LUZP2: variants seen among roughly 807,000 people sequenced by gnomAD.
The protein encoded by LUZP2 is leucine zipper protein 2.
Under a neutral mutation model 51.6 loss-of-function variants are expected in LUZP2, and 52 were observed. That is an observed-to-expected ratio of 1.01 (90% CI 0.81 to 1.27). The LOEUF (loss-of-function observed/expected upper bound fraction) is 1.27, where lower values mean the gene tolerates loss of function less well. Ranked by LOEUF, LUZP2 falls within the 50% of genes most tolerant of loss-of-function variation. The pLI is 0.00. For synonymous variants in LUZP2, 154 were observed against 137.3 expected, an observed-to-expected ratio of 1.12 and a Z score of -0.85; for missense variants, 436 against 395.4, an observed-to-expected ratio of 1.10 and a Z score of -0.87.
At chr11:24,571,135 C>T (rs1180173884) in intron 1 of LUZP2, among the ~76,000 whole-genome samples, 2 of 152,076 alleles carry the variant, frequency 1.3e-5, no homozygotes, top group Non-Finnish European at 2.9e-5. Flanking sequence ...GCAGCGATTT[C>T]TCCAGCTACA....
chr11:24,710,774 T>C (rs999932223), intron 1 of LUZP2, among the ~76,000 whole-genome samples: 6 of 152,302 alleles, frequency 3.9e-5, no homozygotes, highest in African/African-American at 1.4e-4. Flanking sequence ...TTTTTGCAAT[T>C]ATGTATTTGT....
chr11:24,677,016 A>C (rs1445160223), intron 1 of LUZP2, among the ~76,000 whole-genome samples: 1 of 152,204 alleles, frequency 6.6e-6, no homozygotes, highest in Non-Finnish European at 1.5e-5. Flanking sequence ...AAAATTCTAA[A>C]TAATAACATT....
chr11:24,962,581 TC>T (rs1460746305), intron 7 of LUZP2, among the ~76,000 whole-genome samples: 9 of 152,262 alleles, frequency 5.9e-5, no homozygotes, highest in Non-Finnish European at 1.2e-4. Flanking sequence ...TCTGCATTCT[TC>T]ACGTAGTTCT....
chr11:24,944,533 A>T (rs1165649022), intron 7 of LUZP2, among the ~76,000 whole-genome samples: 2 of 152,172 alleles, frequency 1.3e-5, no homozygotes, highest in Admixed American at 1.3e-4. Flanking sequence ...TAGAGAGTAG[A>T]AAAAATGGAA....
chr11:24,551,145 C>G (rs1455081737), intron 1 of LUZP2, among the ~76,000 whole-genome samples: 1 of 151,790 alleles, frequency 6.6e-6, no homozygotes, highest in Non-Finnish European at 1.5e-5. Flanking sequence ...TGTTTGGAAA[C>G]TATAACATAT....
intron 1 of LUZP2, among the ~76,000 whole-genome samples, chr11:24,544,851 A>C (rs1851489786): frequency 6.6e-6 from 1 of 152,050 alleles, no homozygotes; most frequent in African/African-American, 2.4e-5. Flanking sequence ...TAGGTCTTTA[A>C]GGAATCACCA....
intron 5 of LUZP2, among the ~76,000 whole-genome samples, chr11:24,870,490 G>GACACACAC (rs202205920): frequency 0.047 from 6,778 of 145,658 alleles, 281 homozygotes; most frequent in East Asian, 0.14. Context: ...CACACACACA[G>GACACACAC]ACACACACAC....
chr11:24,801,899 T>C (rs1352490895), intron 5 of LUZP2, among the ~76,000 whole-genome samples: 1 of 151,324 alleles, frequency 6.6e-6, no homozygotes, highest in Non-Finnish European at 1.5e-5. Flanking sequence ...TGCAAATAGG[T>C]TTAATATCCC....
intron 1 of LUZP2, among the ~76,000 whole-genome samples, chr11:24,598,482 A>G (rs998688131): frequency 6.6e-6 from 1 of 152,102 alleles, no homozygotes; most frequent in Non-Finnish European, 1.5e-5. Context: ...CATGATTTAG[A>G]TTTTTAAGCA....
At chr11:24,510,906 C>T (rs941771708) in intron 1 of LUZP2, among the ~76,000 whole-genome samples, 5 of 152,088 alleles carry the variant, frequency 3.3e-5, no homozygotes, top group Non-Finnish European at 5.9e-5. Flanking sequence ...CAGCTTGTTG[C>T]TCTGTTGAGG....
intron 7 of LUZP2, among the ~76,000 whole-genome samples, chr11:24,936,229 G>A (rs1158007601): frequency 6.6e-6 from 1 of 152,118 alleles, no homozygotes; most frequent in Admixed American, 6.6e-5. Context: ...GAACCCCTAA[G>A]TGGTATAAAC....
chr11:24,612,079 G>C (rs1854142271), intron 1 of LUZP2, among the ~76,000 whole-genome samples: 1 of 152,076 alleles, frequency 6.6e-6, no homozygotes, highest in Non-Finnish European at 1.5e-5. Context: ...GGAAGGAAGG[G>C]AGTTGAAATA....
intron 9 of LUZP2, among the ~76,000 whole-genome samples, chr11:25,043,838 T>G (rs1040201961): frequency 1.4e-5 from 2 of 147,014 alleles, no homozygotes; most frequent in African/African-American, 4.9e-5. Context: ...GCAGTGTGCT[T>G]TTTGCTTTTG....
At chr11:24,782,740 T>C (rs760273206) in intron 5 of LUZP2, among the ~76,000 whole-genome samples, 6 of 152,068 alleles carry the variant, frequency 3.9e-5, no homozygotes, top group Non-Finnish European at 5.9e-5. Flanking sequence ...GCTAGCTTGA[T>C]GTATTTTTAC....
Position 25,078,654 on chromosome 11 carries a change from TG to T in LUZP2, c.1038del (p.Ter347LysfsTer3). The part of the protein sequence containing the change: ...EGMAAREEKI[L>X] ...ATGGCAGCTAGAGAAGAAAAAATAC[TG>T]TAAATACTAAGAAACTGTGTTAAAA... is the stretch of plus-strand genomic sequence containing the variant. On this transcript the variant is annotated frameshift_variant, in exon 12 of 12. Transcript: ENST00000336930. LOFTEE classifies it high-confidence loss of function. The T allele has an allele frequency of 6.3e-7, 1 of 1,597,348 alleles. No individual in the cohort carries two copies. Among genetic ancestry groups the T allele is most frequent in the Non-Finnish European group, 8.5e-7 (1 of 1,172,962 alleles).
At chr11:25,009,027 T>A (rs1287703282) in intron 9 of LUZP2, among the ~76,000 whole-genome samples, 1 of 152,142 alleles carries the variant, frequency 6.6e-6, no homozygotes, top group Non-Finnish European at 1.5e-5. Flanking sequence ...TTCTTAGGAA[T>A]TTATCTGCCT....
At chr11:24,991,350 GTA>G (rs58800807) in intron 9 of LUZP2, among the ~76,000 whole-genome samples, 1 of 142,202 alleles carries the variant, frequency 7.0e-6, no homozygotes, top group African/African-American at 2.5e-5. Context: ...GTGTGTGTGT[GTA>G]TATATATATG....
chr11:25,029,035 T>C (rs1033301917), intron 9 of LUZP2, among the ~76,000 whole-genome samples: 4 of 152,000 alleles, frequency 2.6e-5, no homozygotes, highest in East Asian at 1.9e-4. Context: ...AATCAAACAA[T>C]TGAACTCATG....
At chr11:25,025,425 C>A (rs1277231531) in intron 9 of LUZP2, among the ~76,000 whole-genome samples, 3 of 152,148 alleles carry the variant, frequency 2.0e-5, no homozygotes, top group Admixed American at 6.5e-5. Flanking sequence ...CCAGAATCTA[C>A]AAATAATTTA....
Sources: gnomAD v4.1 joint callset for allele counts (sites outside exome capture counted in the v4.1 genomes callset) on GRCh38, gnomAD v4.1.1 for gene constraint, MANE v1.5 for transcripts, NCBI Gene and HGNC (gene_info 2026-07-23, HGNC 2026-07-21) for gene names.